The following SLC4A8 variants were observed in gnomAD, a reference collection of about 807,000 sequenced individuals.
SLC4A8 encodes solute carrier family 4 member 8.
In SLC4A8, 40 loss-of-function variants were observed where a neutral mutation model predicts 125.0. The ratio of observed to expected loss-of-function variants is 0.32; its 90% CI spans 0.25 to 0.42. The LOEUF is 0.42. Ranked by LOEUF, SLC4A8 falls within the 10% of genes least tolerant of loss-of-function variation. SLC4A8 has a pLI of 1.00. For synonymous variants in SLC4A8, 456 were observed against 476.0 expected (o/e 0.96, Z 0.55); for missense variants, 863 against 1,355.1 (o/e 0.64, Z 5.70).
intron 2 of SLC4A8, among the ~76,000 whole-genome samples, chr12:51,444,386 C>G (rs1199202301): frequency 5.9e-5 from 9 of 152,162 alleles, no homozygotes; most frequent in Non-Finnish European, 1.3e-4. Context: ...CTCTGACCCC[C>G]TGCCGAACTT....
chr12:51,401,705 C>G (rs1446409225), intron 1 of SLC4A8, among the ~76,000 whole-genome samples: 1 of 152,038 alleles, frequency 6.6e-6, no homozygotes, highest in Non-Finnish European at 1.5e-5. Flanking sequence ...GGAAATGCAA[C>G]GTTTGGGCAT....
intron 2 of SLC4A8, 124 bp from the exon 3 acceptor site, chr12:51,450,752 T>A: frequency 1.9e-6 from 2 of 1,042,720 alleles, no homozygotes; most frequent in South Asian, 1.5e-5. Flanking sequence ...GTTTTGTTGT[T>A]CCAGAGCTGT....
intron 2 of SLC4A8, chr12:51,441,181 T>C: frequency 1.0e-6 from 1 of 984,916 alleles, no homozygotes; most frequent in South Asian, 4.7e-5. Context: ...AAAAACTCAT[T>C]TTGGCTACAA....
At chr12:51,478,434 ATC>A (rs1183045759) in intron 16 of SLC4A8, among the ~76,000 whole-genome samples, 1 of 151,708 alleles carries the variant, frequency 6.6e-6, no homozygotes, top group Non-Finnish European at 1.5e-5. Context: ...GCGAGACTCC[ATC>A]TTAAAAAAAA....
At position 51,418,322 on chromosome 12, in the gene SLC4A8, G is replaced by T. The variant is rs564444671; in HGVS notation, c.-111-22386G>T. On this transcript the variant is annotated intron_variant, in intron 1 of 24. Transcript: ENST00000358657. ...CTCTGGGATGGAGTGGAGGGGAATTGTGTTGGATAGGAACTGGTCTATAGG... is the reference window on the plus strand; with the variant it reads ...CTCTGGGATGGAGTGGAGGGGAATTTTGTTGGATAGGAACTGGTCTATAGG... 2.6e-5 allele frequency among the ~76,000 whole-genome samples: 4 copies of T among 152,306 alleles called. No individual in the cohort carries two copies. The South Asian group carries it at 8.3e-4, about 32-fold the overall frequency.
At chr12:51,433,880 G>GTTTTTTTTTTTTTTTTTTTTT (rs1565772475) in intron 1 of SLC4A8, among the ~76,000 whole-genome samples, 1 of 71,736 alleles carries the variant, frequency 1.4e-5, no homozygotes, top group African/African-American at 5.5e-5. Context: ...TTTTTTTTTG[G>GTTTTTTTTTTTTTTTTTTTTT]TTGGTTTTTT....
chr12:51,440,672 G>A (rs1328260967), intron 1 of SLC4A8, 36 bp from the exon 2 acceptor site: 5 of 1,513,060 alleles, frequency 3.3e-6, no homozygotes, highest in Non-Finnish European at 4.6e-6. Context: ...AACGAGGTAT[G>A]TGTATTACTG....
intron 1 of SLC4A8, among the ~76,000 whole-genome samples, chr12:51,400,352 C>T (rs1948348682): frequency 6.6e-6 from 1 of 152,104 alleles, no homozygotes; most frequent in African/African-American, 2.4e-5. Context: ...TCATCGAAGA[C>T]CTTTAAATCC....
In SLC4A8 at chr12:51,488,718, G is replaced by C; in HGVS notation, c.2306G>C (p.Gly769Ala). ...CCTTAGCCAACAAGGGATGATCGCGGATGGATTATTAATCCCATTGGCCCC... is the reference window on the plus strand; with the variant it reads ...CCTTAGCCAACAAGGGATGATCGCGCATGGATTATTAATCCCATTGGCCCC... ...SVFKPTRDDR[G>A]WIINPIGPNP... The change falls in exon 18 of 25, where the codon GGA (glycine) becomes GCA (alanine). Residue 769 changes from glycine to alanine, a missense_variant. Coordinates refer to ENST00000453097, the MANE Select transcript of SLC4A8 (RefSeq NM_001039960.3). 6.2e-7 allele frequency: 1 copy of C among 1,613,726 alleles called. No individual in the cohort carries two copies. Among genetic ancestry groups the C allele is most frequent in the Non-Finnish European group, 8.5e-7 (1 of 1,179,758 alleles).
At chr12:51,423,558 A>G (rs1406596675), upstream of SLC4A8, among the ~76,000 whole-genome samples, 2 of 152,214 alleles carry the variant, frequency 1.3e-5, no homozygotes, top group African/African-American at 2.4e-5. Context: ...CTGAAGCCCA[A>G]CCTTGTTTCC....
At chr12:51,474,230 T>C in intron 14 of SLC4A8, 112 bp from the exon 15 acceptor site, 1 of 625,228 alleles carries the variant, frequency 1.6e-6, no homozygotes, top group East Asian at 2.7e-5. Flanking sequence ...GTCTGAAGTA[T>C]GCAAAGAAGC....
At chr12:51,419,303 C>T (rs1948741031) in intron 1 of SLC4A8, among the ~76,000 whole-genome samples, 1 of 152,206 alleles carries the variant, frequency 6.6e-6, no homozygotes, top group Non-Finnish European at 1.5e-5. Context: ...TTTGCTGCCA[C>T]CTTAAAGCTG....
At chr12:51,484,986 G>A (rs1363559991) in intron 16 of SLC4A8, among the ~76,000 whole-genome samples, 1 of 152,146 alleles carries the variant, frequency 6.6e-6, no homozygotes, top group African/African-American at 2.4e-5. Flanking sequence ...GTAGAGGCAT[G>A]AACAAGTACA....
At chr12:51,415,923 A>G (rs1327867217) in intron 1 of SLC4A8, among the ~76,000 whole-genome samples, 5 of 151,266 alleles carry the variant, frequency 3.3e-5, no homozygotes, top group Non-Finnish European at 7.4e-5. Context: ...ATAAAATTAA[A>G]TATAATAATA....
chr12:51,400,731 TA>T (rs1948358710), intron 1 of SLC4A8, among the ~76,000 whole-genome samples: 2 of 288 alleles, frequency 6.9e-3, no homozygotes, highest in African/African-American at 0.015. Context: ...CTCCTTTATA[TA>T]TATATATATA....
chr12:51,434,125 T>C (rs940872336), intron 1 of SLC4A8, among the ~76,000 whole-genome samples: 1 of 152,096 alleles, frequency 6.6e-6, no homozygotes, highest in African/African-American at 2.4e-5. Context: ...TCCTCCCACC[T>C]CAGCCTTCCA....
At chr12:51,469,879 C>T in intron 12 of SLC4A8, 91 bp downstream of exon 12, 10 of 1,203,648 alleles carry the variant, frequency 8.3e-6, no homozygotes, top group Non-Finnish European at 1.2e-5. Context: ...ATTACTTGGT[C>T]TAGGACTGAA....
chr12:51,514,228 G>A lies in SLC4A8; in HGVS notation c.*6790G>A, dbSNP rs1020746634. The A allele has an allele frequency of 4.6e-5, 7 of 152,596 alleles. No individual in the cohort carries two copies. Among genetic ancestry groups the A allele is most frequent in the African/African-American group, 1.2e-4 (5 of 41,434 alleles). The allele number at this position is 152,596 out of a possible 1,614,324, so 9.5% of individuals were successfully genotyped here. On this transcript the variant is annotated 3_prime_UTR_variant, in exon 25 of 25. Transcript: ENST00000453097. ...CCTGGATTTTCCTTGAACTTCTCAG[G>A]TTTCCAAGCCACATCCTAGCAGGGC... is the stretch of plus-strand genomic sequence containing the variant.
chr12:51,450,215 A>G (rs1000719181), intron 2 of SLC4A8, among the ~76,000 whole-genome samples: 2 of 152,172 alleles, frequency 1.3e-5, no homozygotes, highest in African/African-American at 2.4e-5. Context: ...TACAATGTAG[A>G]AAATAAAATA....
Sources: gnomAD v4.1 joint callset for allele counts (sites outside exome capture counted in the v4.1 genomes callset) on GRCh38, gnomAD v4.1.1 for gene constraint, MANE v1.5 for transcripts, NCBI Gene and HGNC (gene_info 2026-07-23, HGNC 2026-07-21) for gene names.